WDR27: variants seen among roughly 807,000 people sequenced by gnomAD.
WDR27 encodes the protein WD repeat domain 27, also known as WD repeat-containing protein 27.
A neutral mutation model predicts 114.4 loss-of-function variants in WDR27; 100 were observed. That is an observed-to-expected ratio of 0.87 (90% confidence interval 0.74 to 1.03). The LOEUF (loss-of-function observed/expected upper bound fraction) is 1.03, where lower values mean the gene tolerates loss of function less well. Among genes scored for constraint, WDR27 ranks in the 50% least tolerant of loss-of-function variants. The pLI, the probability that WDR27 is intolerant of heterozygous loss-of-function variation, is 0.00. For missense variants in WDR27, 1,129 were observed against 1,092.9 expected, an observed-to-expected ratio of 1.03 and a Z score of -0.47; for synonymous variants, 449 against 423.1, an observed-to-expected ratio of 1.06 and a Z score of -0.75.
chr6:169,585,613 C>A lies in WDR27; in HGVS notation c.2425-2679G>T, dbSNP rs553536595. On this transcript the variant is annotated intron_variant, in intron 23 of 25. Transcript: ENST00000448612. ...AATCAATTACCATATATTTCATATG[C>A]TATATGTATTAATACTTTATTCTTA... Among the ~76,000 whole-genome samples, 11 of 152,220 alleles carry A rather than the reference C, an allele frequency of 7.2e-5. No individual in the cohort carries two copies. In the East Asian group the frequency reaches 2.1e-3, roughly 29 times the overall value.
chr6:169,532,790 C>G (rs552473534), intron 25 of WDR27, among the ~76,000 whole-genome samples: 231 of 151,474 alleles, frequency 1.5e-3, no homozygotes, highest in Non-Finnish European at 2.4e-3. Flanking sequence ...CTGGCAGTCC[C>G]TTAATCTAGA....
chr6:169,652,073 G>A, intron 13 of WDR27, 65 bp from the exon 14 acceptor site: 1 of 1,403,392 alleles, frequency 7.1e-7, no homozygotes, highest in Non-Finnish European at 1.0e-6. Context: ...ATGGACATGA[G>A]AAGAACAGAG....
intron 25 of WDR27, among the ~76,000 whole-genome samples, chr6:169,506,900 G>C (rs905673830): frequency 3.9e-5 from 6 of 152,114 alleles, no homozygotes; most frequent in Admixed American, 6.5e-5. Context: ...AACTGAATGT[G>C]TACCTTTATT....
intron 16 of WDR27, among the ~76,000 whole-genome samples, chr6:169,646,530 G>A (rs1049973669): frequency 6.6e-6 from 1 of 152,048 alleles, no homozygotes; most frequent in Non-Finnish European, 1.5e-5. Flanking sequence ...GTGGATCACC[G>A]GACGTCAGGA....
the WDR27 span, among the ~76,000 whole-genome samples, chr6:169,444,811 T>G: frequency 6.6e-6 from 1 of 151,962 alleles, no homozygotes; most frequent in Admixed American, 6.6e-5. Flanking sequence ...ATTCCCAGGG[T>G]CTGAGGCAAA....
In WDR27 at chr6:169,682,134, T is replaced by G. The variant is rs181443711; in HGVS notation, c.189+6683A>C. Reference sequence around the variant, plus strand: ...TCAGCTCCAGCCCATCCTGCTGCAGTTGGGAAACTATCTTATTGGCGCAGG... The same window carrying G: ...TCAGCTCCAGCCCATCCTGCTGCAGGTGGGAAACTATCTTATTGGCGCAGG... On this transcript the variant is annotated intron_variant, in intron 2 of 25. Coordinates refer to ENST00000448612, the MANE Select transcript of WDR27 (RefSeq NM_182552.5). Among the ~76,000 whole-genome samples, 349 of 152,206 alleles carry G rather than the reference T, an allele frequency of 2.3e-3. 2 individuals are homozygous for G. Among genetic ancestry groups the G allele is most frequent in the African/African-American group, 7.9e-3 (328 of 41,512 alleles).
intron 15 of WDR27, 109 bp downstream of exon 15, chr6:169,649,089 C>G: frequency 1.2e-6 from 1 of 853,696 alleles, no homozygotes; most frequent in Non-Finnish European, 1.9e-6. Context: ...TGTGTGTAAA[C>G]ACATGTACAC....
chr6:169,444,863 G>T, the WDR27 span, among the ~76,000 whole-genome samples: 4 of 152,142 alleles, frequency 2.6e-5, 1 homozygote, highest in Middle Eastern at 6.3e-3. Flanking sequence ...ATCCTGGGCT[G>T]CCCTTTTGCC....
chr6:169,434,673 T>C, the WDR27 span, among the ~76,000 whole-genome samples: 9 of 152,322 alleles, frequency 5.9e-5, no homozygotes, highest in Middle Eastern at 3.4e-3. Context: ...CCTTAGGTTA[T>C]CTGCTGGAAG....
intron 25 of WDR27, among the ~76,000 whole-genome samples, chr6:169,554,080 A>G (rs900869470): frequency 6.6e-6 from 1 of 152,226 alleles, no homozygotes; most frequent in South Asian, 2.1e-4. Flanking sequence ...ACAAGCTGAC[A>G]AAGTCCTGAT....
At chr6:169,579,712 A>G (rs1803050911) in intron 24 of WDR27, among the ~76,000 whole-genome samples, 1 of 152,106 alleles carries the variant, frequency 6.6e-6, no homozygotes, top group African/African-American at 2.4e-5. Flanking sequence ...TGAATAGCCC[A>G]CCCCTTATGT....
At chr6:169,685,607 T>A (rs1177053808) in intron 2 of WDR27, among the ~76,000 whole-genome samples, 1 of 152,118 alleles carries the variant, frequency 6.6e-6, no homozygotes, top group Admixed American at 6.5e-5. Context: ...GCAACTAGGC[T>A]TCATCACGCT....
intron 25 of WDR27, among the ~76,000 whole-genome samples, chr6:169,513,248 A>G (rs916060428): frequency 1.3e-4 from 20 of 152,176 alleles, no homozygotes; most frequent in Admixed American, 5.2e-4. Flanking sequence ...AGTGCAGCTC[A>G]GTTTCCAAGA....
intron 25 of WDR27, among the ~76,000 whole-genome samples, chr6:169,515,431 AATGGATACAGATCTT>A (rs1199588898): frequency 6.6e-6 from 1 of 152,208 alleles, no homozygotes; most frequent in Non-Finnish European, 1.5e-5. Flanking sequence ...CTTTTAGGGA[AATGGATACAGATCTT>A]ATTGGGACAA....
At position 169,638,600 on chromosome 6, in the gene WDR27, G is replaced by A. The variant is rs41265375; in HGVS notation, c.1808C>T (p.Ala603Val). 57,373 of 1,607,726 alleles carry A rather than the reference G, an allele frequency of 0.036. 1,234 individuals carry two copies. The highest frequency in any genetic ancestry group is 0.041 in the Non-Finnish European group (48,073 of 1,177,322). ...WSQDRRWLLS[A>V]ARDGTLRMWS... is the part of the protein sequence containing the mutation. ...CATTCGCAGGGTCCCGTCCCGGGCC[G>A]CAGAGAGCAGCCACCTCCGGTCCTG... Residue 603 changes from alanine to valine, a missense_variant, in exon 18 of 26, where the codon GCG becomes GTG. Coordinates refer to ENST00000448612, the MANE Select transcript of WDR27 (RefSeq NM_182552.5).
At chr6:169,624,640 T>C (rs3817869) in intron 21 of WDR27, among the ~76,000 whole-genome samples, 19,100 of 152,228 alleles carry the variant, frequency 0.13, 1,585 homozygotes, top group South Asian at 0.29. Context: ...GAAAACTTCA[T>C]TAATTTTCAT....
chr6:169,471,493 G>A (rs1039864451), intron 25 of WDR27, among the ~76,000 whole-genome samples: 1 of 152,102 alleles, frequency 6.6e-6, no homozygotes. Context: ...CAAGAAAAAG[G>A]AAAAGCGAAT....
At chr6:169,644,128 T>TAGTTCACAGGAGTCACACTGTA (rs1248763978) in intron 16 of WDR27, among the ~76,000 whole-genome samples, 2 of 34,076 alleles carry the variant, frequency 5.9e-5, no homozygotes, top group Non-Finnish European at 5.4e-5. Flanking sequence ...GTCACACTGT[T>TAGTTCACAGGAGTCACACTGTA]GAAAAGCCTA....
intron 25 of WDR27, among the ~76,000 whole-genome samples, chr6:169,510,670 TACCTAA>T: frequency 6.7e-6 from 1 of 150,256 alleles, no homozygotes; most frequent in Non-Finnish European, 1.5e-5. Flanking sequence ...TTAGGAGATA[TACCTAA>T]TGCTAAATGA....
Sources: gnomAD v4.1 joint callset for allele counts (sites outside exome capture counted in the v4.1 genomes callset) on GRCh38, gnomAD v4.1.1 for gene constraint, MANE v1.5 for transcripts, NCBI Gene and HGNC (gene_info 2026-07-23, HGNC 2026-07-21) for gene names.